The following THSD4 variants were observed in gnomAD, a reference collection of about 807,000 sequenced individuals.
The protein encoded by THSD4 is thrombospondin type-1 domain-containing protein 4.
THSD4 carries 69 observed loss-of-function variants against 119.0 expected under a neutral mutation model. The observed-to-expected ratio is 0.58, with a 90% CI of 0.48 to 0.71. The LOEUF is 0.71. THSD4 is among the 30% of genes least tolerant of loss of function. THSD4 has a pLI of 0.00. For missense variants in THSD4, 1,393 were observed against 1,391.1 expected (o/e 1.00, Z -0.02); for synonymous variants, 524 against 540.4 (o/e 0.97, Z 0.42).
Position 71,256,711 on chromosome 15 carries a change from A to G in THSD4, c.1011A>G (p.Ala337=). Residue 337 remains alanine (A), a synonymous_variant, in exon 6 of 18, where the codon GCA becomes GCG. Coordinates refer to ENST00000261862, the MANE Select transcript of THSD4 (RefSeq NM_024817.3). ...MGRFYEWEPF[A]EVKGNRKCEL... Reference sequence around the variant, plus strand: ...GGTTTTATGAGTGGGAACCATTTGCAGAAGGTAAGAATAGACCCAGCCCTG... The same window carrying G: ...GGTTTTATGAGTGGGAACCATTTGCGGAAGGTAAGAATAGACCCAGCCCTG... The G allele has an allele frequency of 6.2e-7, 1 of 1,613,676 alleles. No homozygotes were observed. Among genetic ancestry groups the G allele is most frequent in the Non-Finnish European group, 8.5e-7 (1 of 1,179,724 alleles).
intron 6 of THSD4, among the ~76,000 whole-genome samples, chr15:71,360,829 A>T (rs868019953): frequency 6.6e-6 from 1 of 152,352 alleles, no homozygotes; most frequent in Middle Eastern, 3.4e-3. Context: ...TTGAGCCAGA[A>T]GCATAAACAG....
At chr15:71,108,113 G>A (rs951941747) in intron 1 of THSD4, among the ~76,000 whole-genome samples, 1 of 152,188 alleles carries the variant, frequency 6.6e-6, no homozygotes, top group Non-Finnish European at 1.5e-5. Flanking sequence ...ACAAGGATAG[G>A]TGCAGCTCTT....
intron 4 of THSD4, among the ~76,000 whole-genome samples, chr15:71,241,949 T>C (rs903412464): frequency 2.6e-5 from 4 of 152,192 alleles, no homozygotes; most frequent in African/African-American, 9.6e-5. Context: ...TGTTACTGTA[T>C]TTTATGTGTG....
chr15:71,374,120 G>C (rs1264891242), intron 6 of THSD4, among the ~76,000 whole-genome samples: 3 of 152,178 alleles, frequency 2.0e-5, no homozygotes, highest in Non-Finnish European at 4.4e-5. Context: ...CTCTTCCAAA[G>C]TGATGCAAAC....
intron 6 of THSD4, among the ~76,000 whole-genome samples, chr15:71,287,281 GT>G (rs1372430250): frequency 6.6e-6 from 1 of 152,128 alleles, no homozygotes; most frequent in Non-Finnish European, 1.5e-5. Flanking sequence ...AAAGTTCATT[GT>G]TTTTATCATT....
At chr15:71,548,033 CAT>C (rs2048866526) in intron 7 of THSD4, among the ~76,000 whole-genome samples, 1 of 151,150 alleles carries the variant, frequency 6.6e-6, no homozygotes, top group South Asian at 2.1e-4. Flanking sequence ...AGCAGGGAGA[CAT>C]ATTTTAAGTT....
At chr15:71,405,537 T>G (rs1596406753) in intron 6 of THSD4, among the ~76,000 whole-genome samples, 4 of 152,352 alleles carry the variant, frequency 2.6e-5, no homozygotes, top group South Asian at 4.1e-4. Flanking sequence ...TTAAGTTCTA[T>G]TCCATTGATC....
chr15:71,728,342 G>T (rs1360852067), intron 8 of THSD4, among the ~76,000 whole-genome samples: 1 of 152,132 alleles, frequency 6.6e-6, no homozygotes, highest in African/African-American at 2.4e-5. Flanking sequence ...TGATAGAAGG[G>T]ATTAGGGTGG....
chr15:71,351,791 C>G (rs1267919367), intron 6 of THSD4, among the ~76,000 whole-genome samples: 2 of 152,228 alleles, frequency 1.3e-5, no homozygotes, highest in Admixed American at 1.3e-4. Context: ...CTTTCTGCAA[C>G]ACTTCTCCCA....
At chr15:71,721,781 C>A (rs759726983) in intron 8 of THSD4, among the ~76,000 whole-genome samples, 1 of 151,710 alleles carries the variant, frequency 6.6e-6, no homozygotes, top group South Asian at 2.1e-4. Context: ...TTGTTGGTAC[C>A]CACAGTTTAG....
intron 6 of THSD4, among the ~76,000 whole-genome samples, chr15:71,394,266 C>CTTT (rs58372446): frequency 4.5e-3 from 406 of 89,624 alleles, no homozygotes; most frequent in East Asian, 0.014. Flanking sequence ...ACACATTTGT[C>CTTT]TTTTTTTTTT....
chr15:71,374,313 A>G (rs2046101804), intron 6 of THSD4, among the ~76,000 whole-genome samples: 3 of 152,202 alleles, frequency 2.0e-5, no homozygotes, highest in Non-Finnish European at 4.4e-5. Context: ...CTCATTTCCC[A>G]TCTGTCGAGC....
chr15:71,195,494 C>T (rs907555125), intron 3 of THSD4, among the ~76,000 whole-genome samples: 14 of 152,078 alleles, frequency 9.2e-5, no homozygotes, highest in Admixed American at 7.9e-4. Flanking sequence ...GTGGACCCCT[C>T]TAGGGGGCAC....
intron 7 of THSD4, among the ~76,000 whole-genome samples, chr15:71,563,533 G>A (rs1231552586): frequency 2.0e-5 from 3 of 152,074 alleles, no homozygotes; most frequent in Admixed American, 6.6e-5. Flanking sequence ...GCTTAAATCC[G>A]GATACACATC....
intron 14 of THSD4, among the ~76,000 whole-genome samples, chr15:71,749,718 T>TTTAG (rs1176891859): frequency 6.8e-6 from 1 of 147,846 alleles, no homozygotes; most frequent in Non-Finnish European, 1.5e-5. Flanking sequence ...TATTTATTTA[T>TTTAG]TTATTTATTT....
chr15:71,527,004 T>C (rs1311771995), intron 7 of THSD4, among the ~76,000 whole-genome samples: 1 of 152,194 alleles, frequency 6.6e-6, no homozygotes, highest in Non-Finnish European at 1.5e-5. Context: ...TTAATCACCA[T>C]TGCAGTCGTA....
At chr15:71,120,746 G>T (rs746548684) in intron 1 of THSD4, among the ~76,000 whole-genome samples, 16 of 152,236 alleles carry the variant, frequency 1.1e-4, no homozygotes, top group Non-Finnish European at 2.4e-4. Context: ...AATGCACCCA[G>T]CTCAGGATGG....
chr15:71,199,782 G>GCT (rs1179380096), intron 3 of THSD4, among the ~76,000 whole-genome samples: 103 of 143,208 alleles, frequency 7.2e-4, no homozygotes, highest in African/African-American at 1.5e-3. Flanking sequence ...TGTGGTGTGT[G>GCT]GGTGTGTGCT....
chr15:71,572,728 A>G (rs1040725767), intron 7 of THSD4, among the ~76,000 whole-genome samples: 3 of 152,084 alleles, frequency 2.0e-5, no homozygotes, highest in Non-Finnish European at 4.4e-5. Flanking sequence ...CAAGTCGGAA[A>G]GTAGGGTTAG....
Sources: allele counts gnomAD v4.1 joint callset (sites outside exome capture counted in the v4.1 genomes callset), GRCh38; gene constraint gnomAD v4.1.1; transcripts MANE v1.5; gene names NCBI Gene and HGNC (gene_info 2026-07-23, HGNC 2026-07-21).